Variants in SPECC1 observed in about 807,000 individuals in gnomAD.
SPECC1 encodes sperm antigen with calponin homology and coiled-coil domains 1.
Under a neutral mutation model 104.1 loss-of-function variants are expected in SPECC1, and 62 were observed. The ratio of observed to expected loss-of-function variants is 0.60; its 90% CI spans 0.49 to 0.74. SPECC1 has a LOEUF of 0.74. Ranked by LOEUF, SPECC1 falls within the 30% of genes least tolerant of loss-of-function variation. The pLI is 0.00. For missense variants in SPECC1, 1,306 were observed against 1,310.5 expected (o/e 1.00, Z 0.05); for synonymous variants, 513 against 501.6 (o/e 1.02, Z -0.30).
chr17:20,199,600 T>TCA (rs1314721593), intron 3 of SPECC1, among the ~76,000 whole-genome samples: 1 of 151,886 alleles, frequency 6.6e-6, no homozygotes, highest in Non-Finnish European at 1.5e-5. Flanking sequence ...AGATAGGGTC[T>TCA]CACTCTGTTG....
intron 1 of SPECC1, among the ~76,000 whole-genome samples, chr17:20,091,029 A>G (rs1246068939): frequency 6.6e-6 from 1 of 152,052 alleles, no homozygotes; most frequent in African/African-American, 2.4e-5. Flanking sequence ...TTCAGGTTTG[A>G]GGTGGTGTGG....
At chr17:20,152,287 A>T (rs1380625788) in intron 3 of SPECC1, among the ~76,000 whole-genome samples, 1 of 152,172 alleles carries the variant, frequency 6.6e-6, no homozygotes, top group Non-Finnish European at 1.5e-5. Flanking sequence ...GCAACAGAGC[A>T]AAACTGTCTC....
rs767975649 is a variant in SPECC1 at position 20,205,095 on chromosome 17, C to T, written c.1046C>T (p.Pro349Leu). Reference protein sequence around the residue: ...PSRPLSSTSNPFKSSKCSTAG... With the variant: ...PSRPLSSTSNLFKSSKCSTAG... ...AGGCCCCTGTCCTCCACCAGTAACCCCTTTAAGAGTTCAAAGTGTTCTACT... is the reference window on the plus strand; with the variant it reads ...AGGCCCCTGTCCTCCACCAGTAACCTCTTTAAGAGTTCAAAGTGTTCTACT... The change falls in exon 4 of 15, where the codon CCC (proline) becomes CTC (leucine). Residue 349 changes from proline to leucine, a missense_variant. Around this residue, in one of 2 missense-constraint regions of SPECC1, gnomAD observed 1,177 missense variants for 1,139.9 expected, o/e 1.03. Transcript: ENST00000395527. 1.9e-6 allele frequency: 3 copies of T among 1,614,164 alleles called. No individual in the cohort carries two copies. The highest frequency in any genetic ancestry group is 2.5e-6 in the Non-Finnish European group (3 of 1,180,034).
chr17:20,195,883 C>T (rs1312202452), intron 3 of SPECC1, among the ~76,000 whole-genome samples: 4 of 152,178 alleles, frequency 2.6e-5, no homozygotes, highest in African/African-American at 9.7e-5. Flanking sequence ...AGGTCATAAG[C>T]AGGTTTTTGC....
At chr17:20,037,833 C>T (rs1313662073) in intron 1 of SPECC1, among the ~76,000 whole-genome samples, 1 of 151,890 alleles carries the variant, frequency 6.6e-6, no homozygotes, top group Non-Finnish European at 1.5e-5. Flanking sequence ...AATAATTTGT[C>T]GTTTTTATTT....
intron 3 of SPECC1, among the ~76,000 whole-genome samples, chr17:20,120,838 G>A (rs1281153356): frequency 4.6e-5 from 7 of 152,172 alleles, no homozygotes; most frequent in Non-Finnish European, 4.4e-5. Flanking sequence ...TCCTCAGGGA[G>A]AATCCCTGAA....
At position 20,204,647 on chromosome 17, in the gene SPECC1, C is replaced by A; in HGVS notation, c.598C>A (p.Leu200Met). The change falls in exon 4 of 15, where the codon CTG (leucine) becomes ATG (methionine). Residue 200 changes from leucine (L) to methionine (M), a missense_variant. Coordinates refer to ENST00000395527, the MANE Select transcript of SPECC1 (RefSeq NM_001243439.2). ...ELKKYKEKRT[L>M]NAEGTDALGP... ...AAAGAAATACAAAGAGAAAAGGACT[C>A]TGAACGCTGAGGGGACTGATGCTTT... 6.2e-7 allele frequency: 1 copy of A among 1,614,128 alleles called. No homozygotes were observed. Among genetic ancestry groups the A allele is most frequent in the Non-Finnish European group, 8.5e-7 (1 of 1,180,030 alleles).
At chr17:20,226,824 A>T (rs2038238254) in intron 4 of SPECC1, among the ~76,000 whole-genome samples, 1 of 152,316 alleles carries the variant, frequency 6.6e-6, no homozygotes. Flanking sequence ...GAATCTTTAG[A>T]GTTTCCTCTA....
chr17:20,154,507 T>C (rs187130364), intron 3 of SPECC1, among the ~76,000 whole-genome samples: 77 of 152,232 alleles, frequency 5.1e-4, no homozygotes, highest in African/African-American at 1.8e-3. Context: ...AGGAGGCCGG[T>C]GTAGCAACAG....
chr17:20,261,326 C>A (rs1229638044), intron 12 of SPECC1, among the ~76,000 whole-genome samples: 1 of 151,938 alleles, frequency 6.6e-6, no homozygotes, highest in Non-Finnish European at 1.5e-5. Flanking sequence ...CACAGTGAAA[C>A]CCCATCTCTA....
intron 1 of SPECC1, chr17:20,017,889 A>T (rs2044210026): frequency 1.3e-5 from 2 of 152,166 alleles, no homozygotes; most frequent in African/African-American, 4.8e-5. Flanking sequence ...TGTTCTGTTG[A>T]TTCAGTGTCC....
intron 1 of SPECC1, among the ~76,000 whole-genome samples, chr17:20,084,228 AGACCAACCT>A (rs2047091665): frequency 6.6e-6 from 1 of 152,168 alleles, no homozygotes; most frequent in Admixed American, 6.5e-5. Context: ...CAGGAGTTTG[AGACCAACCT>A]GACCAACATG....
chr17:20,303,520 T>A (rs1380191457), intron 13 of SPECC1, among the ~76,000 whole-genome samples: 1 of 152,142 alleles, frequency 6.6e-6, no homozygotes, highest in Non-Finnish European at 1.5e-5. Context: ...TGCTTCAGTG[T>A]CAGGGAAAAC....
intron 3 of SPECC1, among the ~76,000 whole-genome samples, chr17:20,191,061 A>C (rs775361881): frequency 1.3e-5 from 2 of 152,148 alleles, no homozygotes; most frequent in Non-Finnish European, 2.9e-5. Context: ...AGGTTCCTCC[A>C]TGTCTTTTCA....
chr17:20,156,345 C>G, intron 3 of SPECC1: 3 of 1,216,976 alleles, frequency 2.5e-6, no homozygotes, highest in Non-Finnish European at 3.2e-6. Context: ...GAGCGAAAGG[C>G]TAAGGTCCTG....
intron 12 of SPECC1, among the ~76,000 whole-genome samples, chr17:20,276,192 C>CT (rs1460738464): frequency 6.6e-6 from 1 of 152,174 alleles, no homozygotes; most frequent in Non-Finnish European, 1.5e-5. Flanking sequence ...TCATAGCTCA[C>CT]TGCAGCCTCC....
At position 20,096,770 on chromosome 17, in the gene SPECC1, C is replaced by G. The variant is rs941325604; in HGVS notation, c.119C>G (p.Ser40Cys). 1.2e-6 allele frequency: 2 copies of G among 1,613,932 alleles called. No homozygotes were observed. Among genetic ancestry groups the G allele is most frequent in the African/African-American group, 2.7e-5 (2 of 74,932 alleles). ...ATGAAGAGTTCTAAGTCTTCAACTT[C>G]CTTGGCTTTTGAGTCCCGACTCAGC... ...SGMKSSKSST[S>C]LAFESRLSRL... Residue 40 changes from serine to cysteine, a missense_variant, in exon 2 of 15, where the codon TCC (serine) becomes TGC (cysteine). Physicochemically the swap from Ser to Cys is moderately radical, Grantham distance 112. Coordinates refer to ENST00000395527, the MANE Select transcript of SPECC1 (RefSeq NM_001243439.2).
chr17:20,129,587 GTC>G (rs2049501058), intron 3 of SPECC1, among the ~76,000 whole-genome samples: 1 of 152,028 alleles, frequency 6.6e-6, no homozygotes, highest in African/African-American at 2.4e-5. Context: ...TGTTCTTCCA[GTC>G]TCTCTTTTAT....
At chr17:20,311,306 C>T (rs2041924298) in intron 14 of SPECC1, among the ~76,000 whole-genome samples, 1 of 152,070 alleles carries the variant, frequency 6.6e-6, no homozygotes, top group South Asian at 2.1e-4. Context: ...TTTATGTCTC[C>T]CTTTCCAATC....
Sources: gnomAD v4.1 joint callset for allele counts (sites outside exome capture counted in the v4.1 genomes callset) on GRCh38, gnomAD v4.1.1 for gene constraint, gnomAD v4.1.1 regional missense constraint, MANE v1.5 for transcripts, NCBI Gene and HGNC (gene_info 2026-07-23, HGNC 2026-07-21) for gene names.